Variants in UBE2E2 observed in about 807,000 individuals in gnomAD.
UBE2E2 encodes the protein ubiquitin-conjugating enzyme E2 E2.
Under a neutral mutation model 24.7 loss-of-function variants are expected in UBE2E2, and 6 were observed. The ratio of observed to expected loss-of-function variants is 0.24; its 90% CI spans 0.13 to 0.48. The LOEUF (loss-of-function observed/expected upper bound fraction) is 0.48, where lower values mean the gene tolerates loss of function less well. Ranked by LOEUF, UBE2E2 falls within the 20% of genes least tolerant of loss-of-function variation. The pLI is 0.99. For synonymous variants in UBE2E2, 104 were observed against 83.6 expected, an observed-to-expected ratio of 1.24 and a Z score of -1.33; for missense variants, 169 against 245.0, an observed-to-expected ratio of 0.69 and a Z score of 2.07.
At chr3:23,500,032 TG>T (rs1309751984) in intron 4 of UBE2E2, among the ~76,000 whole-genome samples, 1 of 152,006 alleles carries the variant, frequency 6.6e-6, no homozygotes, top group African/African-American at 2.4e-5. Context: ...TGGGTGAAAA[TG>T]GGGGCATAAG....
At chr3:23,312,287 A>C (rs1694427659) in intron 3 of UBE2E2, among the ~76,000 whole-genome samples, 1 of 152,190 alleles carries the variant, frequency 6.6e-6, no homozygotes, top group South Asian at 2.1e-4. Context: ...GCAATGCGAG[A>C]ACAGACTAAT....
At chr3:23,468,964 A>G (rs1032981418) in intron 3 of UBE2E2, among the ~76,000 whole-genome samples, 3 of 152,228 alleles carry the variant, frequency 2.0e-5, no homozygotes, top group African/African-American at 4.8e-5. Flanking sequence ...ACCTCATTGT[A>G]GAAATGAGGG....
chr3:23,209,152 A>G (rs1047347211), intron 2 of UBE2E2, among the ~76,000 whole-genome samples: 12 of 152,184 alleles, frequency 7.9e-5, no homozygotes, highest in African/African-American at 2.7e-4. Context: ...GTGTGTATGT[A>G]AAATTGCAGT....
At chr3:23,405,183 G>C (rs763210047) in intron 3 of UBE2E2, among the ~76,000 whole-genome samples, 15 of 152,162 alleles carry the variant, frequency 9.9e-5, no homozygotes, top group Non-Finnish European at 2.1e-4. Context: ...TAATGTGGTA[G>C]ACCATTGTAG....
chr3:23,454,156 A>T (rs188855664), intron 3 of UBE2E2, among the ~76,000 whole-genome samples: 44 of 152,324 alleles, frequency 2.9e-4, no homozygotes, highest in African/African-American at 1.0e-3. Flanking sequence ...TAAGAAGCTA[A>T]TGAATTTTTA....
chr3:23,478,302 G>A lies in UBE2E2; in HGVS notation c.228-21306G>A, dbSNP rs1699181810. ...AAAGACAGGCAACAACATAACCAGG[G>A]GTAAGGATAATTTATTTTGCTGGTT... On this transcript the variant is annotated intron_variant, in intron 3 of 5. Coordinates refer to ENST00000396703, the MANE Select transcript of UBE2E2 (RefSeq NM_152653.4). Among the ~76,000 whole-genome samples the A allele has an allele frequency of 3.9e-5, 6 of 152,226 alleles. No homozygotes were observed. In the South Asian group the frequency reaches 1.2e-3, roughly 32 times the overall value.
At chr3:23,297,983 T>C (rs1022824053) in intron 3 of UBE2E2, among the ~76,000 whole-genome samples, 1 of 151,796 alleles carries the variant, frequency 6.6e-6, no homozygotes, top group African/African-American at 2.4e-5. Flanking sequence ...TTTGTAGTTC[T>C]CCTTGAAGAG....
intron 5 of UBE2E2, among the ~76,000 whole-genome samples, chr3:23,545,053 G>A (rs1173024874): frequency 1.3e-5 from 2 of 152,130 alleles, no homozygotes; most frequent in African/African-American, 4.8e-5. Flanking sequence ...CAGCCCTAAG[G>A]CGGTTTTTCC....
chr3:23,438,012 T>C (rs1055540412), intron 3 of UBE2E2, among the ~76,000 whole-genome samples: 2 of 152,190 alleles, frequency 1.3e-5, no homozygotes, highest in African/African-American at 2.4e-5. Flanking sequence ...GGGCAGACTA[T>C]TGTATGGTCT....
At chr3:23,556,638 G>A (rs989410885) in intron 5 of UBE2E2, among the ~76,000 whole-genome samples, 4 of 151,936 alleles carry the variant, frequency 2.6e-5, no homozygotes, top group Non-Finnish European at 4.4e-5. Context: ...CTTATTTGAG[G>A]TTAAAGAGTC....
intron 3 of UBE2E2, among the ~76,000 whole-genome samples, chr3:23,327,152 A>G (rs1694922752): frequency 6.6e-6 from 1 of 152,168 alleles, no homozygotes; most frequent in African/African-American, 2.4e-5. Context: ...ATATGTCTTT[A>G]TAGCAGCATG....
At chr3:23,275,660 A>G (rs1644837049) in intron 3 of UBE2E2, among the ~76,000 whole-genome samples, 1 of 152,200 alleles carries the variant, frequency 6.6e-6, no homozygotes, top group Admixed American at 6.5e-5. Flanking sequence ...TTTTATAGGT[A>G]GAGGTGCTTA....
At chr3:23,551,189 C>A (rs1695634664) in intron 5 of UBE2E2, among the ~76,000 whole-genome samples, 1 of 151,976 alleles carries the variant, frequency 6.6e-6, no homozygotes, top group Non-Finnish European at 1.5e-5. Flanking sequence ...TAAAATATTA[C>A]CACGGACTTA....
At chr3:23,375,374 G>GA (rs1337229947) in intron 3 of UBE2E2, among the ~76,000 whole-genome samples, 1 of 152,118 alleles carries the variant, frequency 6.6e-6, no homozygotes, top group Non-Finnish European at 1.5e-5. Context: ...CCAAAAACCT[G>GA]AAAAATTTAT....
At chr3:23,224,004 T>C (rs1245146855) in intron 3 of UBE2E2, among the ~76,000 whole-genome samples, 1 of 152,214 alleles carries the variant, frequency 6.6e-6, no homozygotes, top group Admixed American at 6.5e-5. Context: ...CACTGATCCA[T>C]GTGTCTGTTT....
intron 3 of UBE2E2, among the ~76,000 whole-genome samples, chr3:23,348,367 A>C (rs1424902249): frequency 6.6e-6 from 1 of 151,658 alleles, no homozygotes; most frequent in East Asian, 1.9e-4. Context: ...AAAAAAAAGA[A>C]TAGTCCATAG....
chr3:23,255,259 GTT>G (rs796075955), intron 3 of UBE2E2, among the ~76,000 whole-genome samples: 4 of 135,764 alleles, frequency 2.9e-5, no homozygotes, highest in African/African-American at 5.4e-5. Context: ...AATTTTTGTA[GTT>G]TTTTTTTTTT....
At chr3:23,470,444 T>C (rs1314174367) in intron 3 of UBE2E2, among the ~76,000 whole-genome samples, 1 of 152,212 alleles carries the variant, frequency 6.6e-6, no homozygotes, top group Non-Finnish European at 1.5e-5. Context: ...CCACAAGCAC[T>C]AACATTTAGG....
At chr3:23,401,835 C>T (rs1486470062) in intron 3 of UBE2E2, among the ~76,000 whole-genome samples, 1 of 149,010 alleles carries the variant, frequency 6.7e-6, no homozygotes, top group Admixed American at 6.7e-5. Context: ...GCATGCACCA[C>T]CATGCCTGGC....
Sources: allele counts gnomAD v4.1 joint callset (sites outside exome capture counted in the v4.1 genomes callset), GRCh38; gene constraint gnomAD v4.1.1; transcripts MANE v1.5; gene names NCBI Gene and HGNC (gene_info 2026-07-23, HGNC 2026-07-21).